Variants in ZNF124 observed in about 807,000 individuals in gnomAD.
ZNF124 encodes zinc finger protein 124, also known as zinc finger protein HZF-16.
ZNF124 carries 25 observed loss-of-function variants against 26.6 expected under a neutral mutation model. The observed-to-expected ratio is 0.94, with a 90% CI of 0.68 to 1.31. The LOEUF (loss-of-function observed/expected upper bound fraction) is 1.31. Among genes scored for constraint, ZNF124 ranks in the 40% most tolerant of loss-of-function variants. The pLI is 0.00. For missense variants in ZNF124, 444 were observed against 422.2 expected (o/e 1.05, Z -0.45); for synonymous variants, 129 against 133.3 (o/e 0.97, Z 0.22).
chr1:247,158,602 ATGT>A (rs1673288089), intron 3 of ZNF124, among the ~76,000 whole-genome samples: 1 of 151,864 alleles, frequency 6.6e-6, no homozygotes, highest in Non-Finnish European at 1.5e-5. Flanking sequence ...GAATAAATTG[ATGT>A]TGTCTTAATT....
chr1:247,147,430 T>C (rs1672814406), intron 3 of ZNF124, among the ~76,000 whole-genome samples: 1 of 152,044 alleles, frequency 6.6e-6, no homozygotes, highest in Non-Finnish European at 1.5e-5. Flanking sequence ...TTTCACCATA[T>C]TGGCCAGGCT....
intron 3 of ZNF124, among the ~76,000 whole-genome samples, chr1:247,124,895 C>T (rs1000114198): frequency 2.0e-5 from 3 of 152,136 alleles, no homozygotes; most frequent in Non-Finnish European, 4.4e-5. Context: ...CCTCCCCAGG[C>T]TCAGGTGATC....
At position 247,168,764 on chromosome 1, in the gene ZNF124, C is replaced by T. The variant is rs1246740311; in HGVS notation, c.30+3084G>A. Among the ~76,000 whole-genome samples the T allele has an allele frequency of 6.6e-6, 1 of 151,276 alleles. No individual in the cohort carries two copies. Among genetic ancestry groups the T allele is most frequent in the African/African-American group, 2.4e-5 (1 of 41,182 alleles). ...GTGAAGTAACTCAGGAATGGAAAAC[C>T]AAATATTCTATGTTCTCACTTATAA... On this transcript the variant is annotated intron_variant, in intron 1 of 3. Coordinates refer to ENST00000543802, the MANE Select transcript of ZNF124 (RefSeq NM_001297568.2). This position sits in a 1 kb window ranked among gnomAD's most constrained non-coding sequence, Gnocchi z 4.0.
Position 247,155,648 on chromosome 1 carries a change from T to A in ZNF124, c.*918A>T, listed in dbSNP as rs1376636301. Among the ~76,000 whole-genome samples the A allele has an allele frequency of 2.0e-5, 3 of 152,040 alleles. No individual in the cohort carries two copies. The East Asian group carries it at 5.8e-4, about 29-fold the overall frequency. On this transcript the variant is annotated 3_prime_UTR_variant, in exon 4 of 4. Transcript: ENST00000543802. Reference sequence around the variant, plus strand: ...AGGCTGAAGCGGGCGGATCACGAGGTCAGGAGATTGAGACCATCCTGGCTA... The same window carrying A: ...AGGCTGAAGCGGGCGGATCACGAGGACAGGAGATTGAGACCATCCTGGCTA...
intron 3 of ZNF124, among the ~76,000 whole-genome samples, chr1:247,142,124 A>G (rs763096131): frequency 4.6e-5 from 7 of 152,124 alleles, no homozygotes; most frequent in Non-Finnish European, 8.8e-5. Flanking sequence ...TTTTGGACCA[A>G]AGGTAACTCA....
intron 1 of ZNF124, among the ~76,000 whole-genome samples, chr1:247,170,718 T>C (rs1308970059): frequency 7.0e-6 from 1 of 143,112 alleles, no homozygotes; most frequent in African/African-American, 2.9e-5. Flanking sequence ...CGTGATCGAT[T>C]GACCAAGCAG....
downstream of ZNF124, among the ~76,000 whole-genome samples, chr1:247,151,007 CAAG>C: frequency 6.6e-6 from 1 of 152,040 alleles, no homozygotes; most frequent in East Asian, 1.9e-4. Flanking sequence ...CACCATAAAT[CAAG>C]AAGAAAAAGA....
intron 1 of ZNF124, among the ~76,000 whole-genome samples, chr1:247,170,612 G>A (rs1674053908): frequency 6.9e-6 from 1 of 143,962 alleles, no homozygotes; most frequent in Admixed American, 6.7e-5. Context: ...CGGAAGCTTT[G>A]GCAAGACTCA....
intron 1 of ZNF124, among the ~76,000 whole-genome samples, chr1:247,163,503 T>C (rs1184877326): frequency 1.3e-5 from 2 of 150,192 alleles, no homozygotes; most frequent in African/African-American, 4.9e-5. Context: ...GAGGCTATTA[T>C]TACAAACATC....
intron 3 of ZNF124, among the ~76,000 whole-genome samples, chr1:247,149,153 C>T (rs966309778): frequency 6.6e-6 from 1 of 152,050 alleles, no homozygotes; most frequent in Non-Finnish European, 1.5e-5. Flanking sequence ...CTGAAAAAGA[C>T]AGCCCAGAAG....
At chr1:247,136,755 T>C (rs1672492722) in intron 3 of ZNF124, among the ~76,000 whole-genome samples, 1 of 152,074 alleles carries the variant, frequency 6.6e-6, no homozygotes, top group African/African-American at 2.4e-5. Context: ...GAGACCAGCT[T>C]GGCCAACATG....
chr1:247,127,456 G>A (rs1572054400), intron 3 of ZNF124, among the ~76,000 whole-genome samples: 1 of 84,464 alleles, frequency 1.2e-5, no homozygotes, highest in East Asian at 2.9e-4. Context: ...ACTTAAGGGA[G>A]GAGACCACCC....
downstream of ZNF124, among the ~76,000 whole-genome samples, chr1:247,150,943 C>T (rs1240668522): frequency 6.6e-6 from 1 of 151,618 alleles, no homozygotes; most frequent in Admixed American, 6.6e-5. Context: ...AAGAGAGAGA[C>T]TGAGTGAGAG....
At chr1:247,164,599 A>C (rs899265297) in intron 1 of ZNF124, among the ~76,000 whole-genome samples, 2 of 152,026 alleles carry the variant, frequency 1.3e-5, no homozygotes, top group African/African-American at 2.4e-5. Flanking sequence ...GAAAAAAAAA[A>C]CAAAACAAAA....
intron 3 of ZNF124, among the ~76,000 whole-genome samples, chr1:247,131,813 C>T (rs1419320847): frequency 6.6e-6 from 1 of 152,202 alleles, no homozygotes; most frequent in African/African-American, 2.4e-5. Context: ...GGGGTGGCCG[C>T]AGTCTCTGCT....
chr1:247,153,618 A>C (rs1343625228), downstream of ZNF124, among the ~76,000 whole-genome samples: 1 of 152,176 alleles, frequency 6.6e-6, no homozygotes, highest in Non-Finnish European at 1.5e-5. Context: ...TTCAGGTACT[A>C]TCTCTACCTG....
intron 3 of ZNF124, among the ~76,000 whole-genome samples, chr1:247,135,689 A>G (rs967538920): frequency 1.9e-4 from 29 of 152,204 alleles, no homozygotes; most frequent in African/African-American, 6.8e-4. Flanking sequence ...TAAGGCTAGC[A>G]TCATCCTGAT....
At chr1:247,131,658 G>A (rs773677217) in intron 3 of ZNF124, among the ~76,000 whole-genome samples, 12 of 152,172 alleles carry the variant, frequency 7.9e-5, no homozygotes, top group Non-Finnish European at 1.3e-4. Flanking sequence ...CCAATACACC[G>A]GCTGTGGCAG....
chr1:247,146,902 G>C (rs983501392), intron 3 of ZNF124, among the ~76,000 whole-genome samples: 1 of 152,144 alleles, frequency 6.6e-6, no homozygotes, highest in Admixed American at 6.6e-5. Flanking sequence ...GGTACCGGGG[G>C]GTAGCTTCTG....
Sources: allele counts gnomAD v4.1 joint callset (sites outside exome capture counted in the v4.1 genomes callset), GRCh38; gene constraint gnomAD v4.1.1; non-coding constraint Gnocchi (gnomAD v3.1); transcripts MANE v1.5; gene names NCBI Gene and HGNC (gene_info 2026-07-23, HGNC 2026-07-21).